QSER1: variants seen among roughly 807,000 people sequenced by gnomAD.
QSER1 encodes glutamine and serine-rich protein 1.
Under a neutral mutation model 158.5 loss-of-function variants are expected in QSER1, and 49 were observed. The observed-to-expected ratio is 0.31, with a 90% CI of 0.25 to 0.39. The LOEUF is 0.39. Ranked by LOEUF, QSER1 falls within the 10% of genes least tolerant of loss-of-function variation. The pLI, the probability that QSER1 is intolerant of heterozygous loss-of-function variation, is 1.00. For synonymous variants in QSER1, 650 were observed against 715.5 expected (o/e 0.91, Z 1.46); for missense variants, 1,754 against 2,010.3 (o/e 0.87, Z 2.44).
intron 4 of QSER1, among the ~76,000 whole-genome samples, chr11:32,941,287 G>T (rs1250055054): frequency 6.7e-6 from 1 of 150,324 alleles, no homozygotes; most frequent in African/African-American, 2.5e-5. Flanking sequence ...CATTGTGCAG[G>T]TTAGTTACAT....
In QSER1 at chr11:32,934,153, A is replaced by G; in HGVS notation, c.2895A>G (p.Pro965=). The G allele has an allele frequency of 6.2e-7, 1 of 1,614,078 alleles. No individual in the cohort carries two copies. The highest frequency in any genetic ancestry group is 2.2e-5 in the East Asian group (1 of 44,884). ...TTTCTCTTGGATCGATGTGTTTCCC[A>G]GAGGCAGTGCTTCTTAGTGATGAAA... ...QFVSLGSMCF[P]EAVLLSDERN... is the part of the protein sequence containing the mutation. Residue 965 remains proline, a synonymous_variant, in exon 4 of 13, where the codon CCA becomes CCG. Coordinates refer to ENST00000650167, the MANE Select transcript of QSER1 (RefSeq NM_001076786.3).
At position 32,893,761 on chromosome 11, in the gene QSER1, C is replaced by T. The variant is rs1851517314; in HGVS notation, c.209+427C>T. Among the ~76,000 whole-genome samples the T allele has an allele frequency of 6.6e-6, 1 of 152,094 alleles. No individual in the cohort carries two copies. The highest frequency in any genetic ancestry group is 1.5e-5 in the Non-Finnish European group (1 of 68,022). On this transcript the variant is annotated intron_variant, in intron 1 of 12. Coordinates refer to ENST00000650167, the MANE Select transcript of QSER1 (RefSeq NM_001076786.3). The surrounding 1 kb of genome is among the most constrained non-coding windows in gnomAD (Gnocchi z 4.7). ...GCCGACAATGCGGTCTTGGGGACTCCGGCGTGTGAGGGTTGCGGAGGCGGG... is the reference window on the plus strand; with the variant it reads ...GCCGACAATGCGGTCTTGGGGACTCTGGCGTGTGAGGGTTGCGGAGGCGGG...
intron 4 of QSER1, among the ~76,000 whole-genome samples, chr11:32,950,217 C>T (rs996553468): frequency 1.3e-4 from 20 of 152,132 alleles, no homozygotes; most frequent in Non-Finnish European, 2.6e-4. Flanking sequence ...GCCTCAGCCT[C>T]CCGAGTAGCT....
intron 3 of QSER1, 47 bp downstream of exon 3, chr11:32,928,170 G>T: frequency 8.7e-7 from 1 of 1,153,020 alleles, no homozygotes. Context: ...AAATGCTGAT[G>T]AAACATATAC....
intron 3 of QSER1, 109 bp downstream of exon 3, chr11:32,928,232 C>A: frequency 1.5e-6 from 1 of 661,202 alleles, no homozygotes; most frequent in Non-Finnish European, 2.5e-6. Flanking sequence ...TATTGATTTT[C>A]CACTGAACTT....
At chr11:32,943,533 CA>C (rs1852275835) in intron 4 of QSER1, among the ~76,000 whole-genome samples, 2 of 150,162 alleles carry the variant, frequency 1.3e-5, no homozygotes, top group South Asian at 2.1e-4. Context: ...TGCTGGATTA[CA>C]TTTATTGATT....
rs1853036527 is a variant in QSER1 at position 32,979,501 on chromosome 11, G to A, written c.*3027G>A. The stretch of plus-strand genomic sequence containing the variant: ...TAAATGTATAATGACTTATGAATTA[G>A]CACAGTTAAGTTGACACTAGAAACT... On this transcript the variant is annotated 3_prime_UTR_variant, in exon 13 of 13. Coordinates refer to ENST00000650167, the MANE Select transcript of QSER1 (RefSeq NM_001076786.3). The A allele has an allele frequency of 6.6e-6, 1 of 152,056 alleles. No individual in the cohort carries two copies. The highest frequency in any genetic ancestry group is 1.5e-5 in the Non-Finnish European group (1 of 68,020). The allele number at this position is 152,056 out of a possible 1,614,324, so 9.4% of individuals were successfully genotyped here.
chr11:32,902,831 C>A (rs191981138), intron 1 of QSER1, among the ~76,000 whole-genome samples: 1 of 152,122 alleles, frequency 6.6e-6, no homozygotes, highest in Non-Finnish European at 1.5e-5. Context: ...CATAATAATT[C>A]TAGAATGTAG....
chr11:32,972,906 C>T (rs1590190599), intron 10 of QSER1, among the ~76,000 whole-genome samples: 1 of 152,202 alleles, frequency 6.6e-6, no homozygotes, highest in African/African-American at 2.4e-5. Context: ...TCTCCTCTGT[C>T]GTCATCTTCA....
intron 8 of QSER1, among the ~76,000 whole-genome samples, chr11:32,964,717 C>CATATATATATATATATATATATAT (rs375985842): frequency 1.6e-4 from 10 of 64,234 alleles, no homozygotes; most frequent in South Asian, 7.5e-4. Flanking sequence ...AAAAAAACAC[C>CATATATATATATATATATATATAT]ATATATATAT....
intron 7 of QSER1, among the ~76,000 whole-genome samples, chr11:32,957,138 T>C (rs756249156): frequency 0.013 from 1,991 of 148,146 alleles, 23 homozygotes; most frequent in South Asian, 0.026. Context: ...TTTTTTCTTT[T>C]TTTTTTTTTT....
intron 3 of QSER1, among the ~76,000 whole-genome samples, chr11:32,930,564 C>T (rs1318753673): frequency 3.3e-5 from 5 of 152,008 alleles, no homozygotes; most frequent in Non-Finnish European, 7.4e-5. Flanking sequence ...GTGATAGTTC[C>T]TAACTTTTCA....
chr11:32,906,472 C>G lies in QSER1; in HGVS notation c.209+13138C>G, dbSNP rs902267001. Among the ~76,000 whole-genome samples the G allele has an allele frequency of 2.6e-5, 4 of 152,248 alleles. No homozygotes were observed. The South Asian group carries it at 6.2e-4, about 24-fold the overall frequency. On this transcript the variant is annotated intron_variant, in intron 1 of 12. Coordinates refer to ENST00000650167, the MANE Select transcript of QSER1 (RefSeq NM_001076786.3). ...TCATCCAGGCTAGAGTACAGTGGCT[C>G]TCTGTAACCTGAAGCTTCTGGGCTC...
chr11:32,964,739 TACACACACACACACACACACACAC>T (rs1176492165), intron 8 of QSER1, among the ~76,000 whole-genome samples: 115 of 100,758 alleles, frequency 1.1e-3, no homozygotes, highest in African/African-American at 4.4e-3. Flanking sequence ...TATATATATA[TACACACACACACACACACACACAC>T]ACACACACAC....
chr11:32,946,757 C>T (rs1277528323), intron 4 of QSER1, among the ~76,000 whole-genome samples: 7 of 152,054 alleles, frequency 4.6e-5, no homozygotes, highest in African/African-American at 1.2e-4. Context: ...GTGGGCTCCA[C>T]CCAGTTCAAG....
chr11:32,896,046 T>G (rs1439455865), intron 1 of QSER1, among the ~76,000 whole-genome samples: 2 of 152,218 alleles, frequency 1.3e-5, no homozygotes, highest in African/African-American at 2.4e-5. Context: ...CTTCATTTAT[T>G]TATGCTAATT....
intron 4 of QSER1, among the ~76,000 whole-genome samples, chr11:32,945,750 G>A (rs1183004812): frequency 5.4e-5 from 8 of 148,970 alleles, no homozygotes; most frequent in Non-Finnish European, 7.5e-5. Context: ...TCTTTGTGGC[G>A]TTCTCTGTAT....
chr11:32,961,319 T>G (rs962856009), intron 8 of QSER1, among the ~76,000 whole-genome samples: 1 of 152,214 alleles, frequency 6.6e-6, no homozygotes, highest in Non-Finnish European at 1.5e-5. Flanking sequence ...GTTTTCATGC[T>G]ATTACATTAA....
At chr11:32,913,474 C>G (rs1417995482) in intron 1 of QSER1, among the ~76,000 whole-genome samples, 1 of 151,804 alleles carries the variant, frequency 6.6e-6, no homozygotes, top group East Asian at 1.9e-4. Flanking sequence ...ATTACAGGTG[C>G]GAGCTACCGC....
Sources: gnomAD v4.1 joint callset for allele counts (sites outside exome capture counted in the v4.1 genomes callset) on GRCh38, gnomAD v4.1.1 for gene constraint, Gnocchi (gnomAD v3.1) non-coding constraint, MANE v1.5 for transcripts, NCBI Gene and HGNC (gene_info 2026-07-23, HGNC 2026-07-21) for gene names.